The following UTRN variants were observed in gnomAD, a reference collection of about 807,000 sequenced individuals.
The protein encoded by UTRN is dystrophin-related protein 1.
A neutral mutation model predicts 463.9 loss-of-function variants in UTRN; 283 were observed. The observed-to-expected ratio is 0.61, with a 90% CI of 0.55 to 0.67. The LOEUF (loss-of-function observed/expected upper bound fraction) is 0.67. Among genes scored for constraint, UTRN ranks in the 30% least tolerant of loss-of-function variants. The pLI is 0.00. For missense variants in UTRN, 3,922 were observed against 4,084.3 expected, an observed-to-expected ratio of 0.96 and a Z score of 1.08; for synonymous variants, 1,442 against 1,431.5, an observed-to-expected ratio of 1.01 and a Z score of -0.17.
At chr6:144,668,596 G>A (rs1377877996) in intron 51 of UTRN, among the ~76,000 whole-genome samples, 3 of 152,056 alleles carry the variant, frequency 2.0e-5, no homozygotes, top group South Asian at 2.1e-4. Flanking sequence ...TGGCAGATTC[G>A]ATATTCTAGT....
At position 144,744,318 on chromosome 6, in the gene UTRN, A is replaced by ATG. The variant is rs750924642; in HGVS notation, c.7940-3927_7940-3926insGT. 9.6e-3 allele frequency among the ~76,000 whole-genome samples: 1,295 copies of ATG among 135,580 alleles called. 44 individuals are homozygous for ATG. Among genetic ancestry groups the ATG allele is most frequent in the African/African-American group, 0.035 (1,178 of 34,074 alleles). 88.9% of individuals were successfully genotyped at this position (135,580 alleles called of 152,430 possible). A position where few individuals can be genotyped will look rare whatever the true frequency, so the allele number is the denominator to read the frequency against. On this transcript the variant is annotated intron_variant, in intron 54 of 74. Transcript: ENST00000367545. ...AAATGGTGTATACATATATATATAT[A>ATG]TATGTGTGTGTGTGTGTGTGTGTGT...
At chr6:144,534,556 A>G (rs1273929693) in intron 43 of UTRN, among the ~76,000 whole-genome samples, 2 of 152,222 alleles carry the variant, frequency 1.3e-5, no homozygotes, top group African/African-American at 4.8e-5. Context: ...TTGACTATTC[A>G]TAGTAAACAC....
In UTRN at chr6:144,840,799, G is replaced by A; in HGVS notation, c.10237G>A (p.Glu3413Lys). 1 of 1,614,040 alleles carries A rather than the reference G, an allele frequency of 6.2e-7. No homozygotes were observed. The highest frequency in any genetic ancestry group is 8.5e-7 in the Non-Finnish European group (1 of 1,179,962). The change falls in exon 73 of 75, where the codon GAG becomes AAG. Residue 3413 changes from glutamate to lysine, a missense_variant. This residue lies in a region of UTRN where 1,309 missense variants were observed against 1,452.6 expected (regional missense o/e 0.90). Transcript: ENST00000367545. The stretch of plus-strand genomic sequence containing the variant: ...CAGCACGGATCTCACGGAGGTCATG[G>A]AGCAGATTCACAGCACGTTTCCATC... ...DTSTDLTEVM[E>K]QIHSTFPSCC...
chr6:144,565,333 G>C (rs1429770333), intron 50 of UTRN, among the ~76,000 whole-genome samples: 1 of 152,126 alleles, frequency 6.6e-6, no homozygotes, highest in African/African-American at 2.4e-5. Flanking sequence ...AGGTTAAATA[G>C]GCAATTATGT....
intron 51 of UTRN, among the ~76,000 whole-genome samples, chr6:144,671,148 G>GT (rs34224093): frequency 4.3e-4 from 64 of 148,024 alleles, no homozygotes; most frequent in East Asian, 1.2e-3. Context: ...GAATTTTAGA[G>GT]TTTTTTTTTT....
At chr6:144,713,005 T>C (rs937128018) in intron 53 of UTRN, among the ~76,000 whole-genome samples, 1 of 152,226 alleles carries the variant, frequency 6.6e-6, no homozygotes, top group Non-Finnish European at 1.5e-5. Context: ...GTTCAGCACC[T>C]AATCCAGTGC....
intron 41 of UTRN, among the ~76,000 whole-genome samples, chr6:144,525,770 T>C (rs1442239176): frequency 6.6e-6 from 1 of 152,080 alleles, no homozygotes; most frequent in Non-Finnish European, 1.5e-5. Flanking sequence ...GAGGTGTGAC[T>C]TTAGATTGTC....
At chr6:144,389,641 C>A (rs1436915025) in intron 2 of UTRN, among the ~76,000 whole-genome samples, 1 of 151,826 alleles carries the variant, frequency 6.6e-6, no homozygotes, top group African/African-American at 2.4e-5. Context: ...CTGTGTTGCC[C>A]AGGCTGGAGT....
intron 51 of UTRN, among the ~76,000 whole-genome samples, chr6:144,635,504 CTTTTTTTTTCTTTTTTTTTTT>C (rs1777028864): frequency 6.3e-5 from 3 of 47,996 alleles, no homozygotes; most frequent in Admixed American, 4.7e-4. Flanking sequence ...AGCAGCTAGC[CTTTTTTTTTCTTTTTTTTTTT>C]TTTTCTTTTC....
chr6:144,605,693 G>A lies in UTRN; in HGVS notation c.7479+28405G>A, dbSNP rs1257579182. Reference sequence around the variant, plus strand: ...GTGGGTGCCATTTTTTTTTTTTTTTGGTATTTCATGTTTTGTATCTAACAA... The same window carrying A: ...GTGGGTGCCATTTTTTTTTTTTTTTAGTATTTCATGTTTTGTATCTAACAA... On this transcript the variant is annotated intron_variant, in intron 51 of 74. Transcript: ENST00000367545. 5.1e-5 allele frequency among the ~76,000 whole-genome samples: 5 copies of A among 97,748 alleles called. No individual in the cohort carries two copies. In the South Asian group the frequency reaches 1.8e-3, roughly 34 times the overall value. 64.1% of individuals were successfully genotyped at this position (97,748 alleles called of 152,430 possible). A position where few individuals can be genotyped will look rare whatever the true frequency, so the allele number is the denominator to read the frequency against.
chr6:144,516,938 A>G lies in UTRN; in HGVS notation c.5531A>G (p.Asn1844Ser), dbSNP rs778471797. 8.8e-6 allele frequency: 13 copies of G among 1,480,056 alleles called. No individual in the cohort carries two copies. Among genetic ancestry groups the G allele is most frequent in the Non-Finnish European group, 1.2e-5 (13 of 1,119,870 alleles). 91.7% of individuals were successfully genotyped at this position (1,480,056 alleles called of 1,614,324 possible). ...TTATTACTTTTGCATACTAGATACA[A>G]CAAAATTAAGGTATTATGATTGGAG... ...LQLLLLHTRY[N>S]KIKAIPIQQR... is the part of the protein sequence containing the mutation. Residue 1844 changes from asparagine (N) to serine (S), a missense_variant, in exon 39 of 75, where the codon AAC becomes AGC. Coordinates refer to ENST00000367545, the MANE Select transcript of UTRN (RefSeq NM_007124.3).
intron 2 of UTRN, among the ~76,000 whole-genome samples, chr6:144,334,110 A>T (rs1361413916): frequency 1.3e-5 from 2 of 152,102 alleles, no homozygotes; most frequent in Non-Finnish European, 2.9e-5. Context: ...CTAGAGAATG[A>T]TGATGATTTG....
chr6:144,443,850 C>T (rs769896760), intron 13 of UTRN, among the ~76,000 whole-genome samples: 43 of 152,008 alleles, frequency 2.8e-4, no homozygotes, highest in Non-Finnish European at 5.2e-4. Flanking sequence ...TGAAAATTTT[C>T]TTGGCATGTA....
At chr6:144,451,281 C>A in intron 17 of UTRN, 89 bp from the exon 18 acceptor site, 1 of 1,466,432 alleles carries the variant, frequency 6.8e-7, no homozygotes, top group Non-Finnish European at 9.1e-7. Flanking sequence ...AAGACATATT[C>A]CTGATGAGCA....
intron 23 of UTRN, among the ~76,000 whole-genome samples, chr6:144,470,699 G>C (rs917258097): frequency 3.9e-5 from 6 of 151,932 alleles, no homozygotes; most frequent in Non-Finnish European, 4.4e-5. Context: ...AGGTTGTAGC[G>C]AGCCGAGATC....
Position 144,444,358 on chromosome 6 carries a change from G to A in UTRN, c.1590G>A (p.Leu530=). ...ATAGGTTACAAGAAATCAATATATT[G>A]TGGCAGGAATTATTGGAAGAACAGG... ...RWNRLQEINI[L]WQELLEEQCL... Residue 530 remains leucine (L), a synonymous_variant, in exon 14 of 75, where the codon TTG becomes TTA. Transcript: ENST00000367545. The A allele has an allele frequency of 6.2e-7, 1 of 1,609,726 alleles. No individual in the cohort carries two copies. Among genetic ancestry groups the A allele is most frequent in the Non-Finnish European group, 8.5e-7 (1 of 1,177,436 alleles).
chr6:144,468,579 G>A (rs892626411), intron 23 of UTRN, among the ~76,000 whole-genome samples: 2 of 149,986 alleles, frequency 1.3e-5, no homozygotes, highest in African/African-American at 2.5e-5. Flanking sequence ...AAGAACTGAA[G>A]TCCCTTAAAG....
intron 69 of UTRN, among the ~76,000 whole-genome samples, chr6:144,830,163 A>G (rs1780541805): frequency 6.6e-6 from 1 of 152,204 alleles, no homozygotes. Context: ...AGTAAAGGTA[A>G]TGCTCAAATT....
chr6:144,507,072 G>A (rs900967729), intron 34 of UTRN, among the ~76,000 whole-genome samples: 5 of 151,836 alleles, frequency 3.3e-5, no homozygotes, highest in Admixed American at 2.6e-4. Flanking sequence ...TGATACATGT[G>A]TATGCCTCAT....
Sources: gnomAD v4.1 joint callset for allele counts (sites outside exome capture counted in the v4.1 genomes callset) on GRCh38, gnomAD v4.1.1 for gene constraint, gnomAD v4.1.1 regional missense constraint, MANE v1.5 for transcripts, NCBI Gene and HGNC (gene_info 2026-07-23, HGNC 2026-07-21) for gene names.